The following SLC30A6 variants were observed in gnomAD, a reference collection of about 807,000 sequenced individuals.
SLC30A6 encodes solute carrier family 30 member 6.
In SLC30A6, 55 loss-of-function variants were observed where a neutral mutation model predicts 63.0. The ratio of observed to expected loss-of-function variants is 0.87; its 90% CI spans 0.70 to 1.09. The LOEUF (loss-of-function observed/expected upper bound fraction) is 1.09. Ranked by LOEUF, SLC30A6 falls within the 50% of genes least tolerant of loss-of-function variation. SLC30A6 has a pLI of 0.00. For missense variants in SLC30A6, 587 were observed against 549.2 expected (o/e 1.07, Z -0.69); for synonymous variants, 224 against 186.1 (o/e 1.20, Z -1.66).
At chr2:32,202,130 A>AT in intron 10 of SLC30A6, 1 of 737,974 alleles carries the variant, frequency 1.4e-6, no homozygotes, top group South Asian at 1.6e-5. Flanking sequence ...ACCTTCTCCA[A>AT]TCTTCCTATT....
chr2:32,174,961 C>T (rs1315841223), intron 3 of SLC30A6, among the ~76,000 whole-genome samples: 1 of 151,984 alleles, frequency 6.6e-6, no homozygotes, highest in Non-Finnish European at 1.5e-5. Flanking sequence ...TAATTTTTTT[C>T]TTATATCTTT....
intron 4 of SLC30A6, among the ~76,000 whole-genome samples, chr2:32,182,601 A>C (rs1337181825): frequency 6.6e-6 from 1 of 152,186 alleles, no homozygotes; most frequent in Non-Finnish European, 1.5e-5. Flanking sequence ...ACTTCTCTTT[A>C]TCTCTCATCT....
At chr2:32,204,765 T>G (rs968358026) in intron 11 of SLC30A6, 73 bp downstream of exon 11, 27 of 783,468 alleles carry the variant, frequency 3.4e-5, no homozygotes, top group African/African-American at 1.6e-4. Context: ...GTTGTATGTG[T>G]TGTTCTACAA....
At position 32,197,327 on chromosome 2, in the gene SLC30A6, G is replaced by GT; in HGVS notation, c.497-16dup. The GT allele has an allele frequency of 1.9e-6, 3 of 1,602,622 alleles. No individual in the cohort carries two copies. In the South Asian group the frequency reaches 3.4e-5, roughly 18 times the overall value. The stretch of plus-strand genomic sequence containing the variant: ...TTTTTCTTCTATATAGATAATTTAA[G>GT]TATTTTCTTCTTAAAGCTGCTAGTA... On this transcript the variant is annotated splice_polypyrimidine_tract_variant and intron_variant, in intron 8 of 13. Transcript: ENST00000282587.
chr2:32,167,534 G>C (rs1000853542), intron 1 of SLC30A6, among the ~76,000 whole-genome samples: 33 of 151,756 alleles, frequency 2.2e-4, no homozygotes, highest in Non-Finnish European at 4.4e-4. Flanking sequence ...GTTCTCTATC[G>C]GCTGTCCTTA....
intron 10 of SLC30A6, chr2:32,203,189 T>C (rs1335172105): frequency 5.9e-6 from 7 of 1,190,308 alleles, no homozygotes; most frequent in Non-Finnish European, 8.8e-6. Context: ...TGATTCATGG[T>C]TCTCCTCCTC....
chr2:32,214,450 A>AT (rs1685528474), intron 13 of SLC30A6: 1 of 151,678 alleles, frequency 6.6e-6, no homozygotes, highest in African/African-American at 2.4e-5. Context: ...TAATTAATTA[A>AT]TTTTTTAAAA....
chr2:32,216,593 ATAG>A (rs1573435753), intron 13 of SLC30A6, among the ~76,000 whole-genome samples: 1 of 150,310 alleles, frequency 6.7e-6, no homozygotes, highest in Non-Finnish European at 1.5e-5. Context: ...AATAATAATG[ATAG>A]TAGCCATTCT....
chr2:32,208,611 G>T (rs1177203298), intron 12 of SLC30A6, among the ~76,000 whole-genome samples: 1 of 151,382 alleles, frequency 6.6e-6, no homozygotes, highest in African/African-American at 2.4e-5. Context: ...TTTTCCAGGG[G>T]GTACAGGGTC....
At chr2:32,208,640 T>G (rs1244193418) in intron 12 of SLC30A6, among the ~76,000 whole-genome samples, 1 of 150,028 alleles carries the variant, frequency 6.7e-6, no homozygotes, top group Admixed American at 6.7e-5. Flanking sequence ...CCACCCAGTC[T>G]GGAGTGCAGT....
chr2:32,203,584 G>A (rs1294439736), intron 10 of SLC30A6: 2 of 1,597,748 alleles, frequency 1.3e-6, no homozygotes, highest in African/African-American at 2.7e-5. Context: ...GGAAAGCCTA[G>A]AGGAAATACA....
intron 13 of SLC30A6, among the ~76,000 whole-genome samples, chr2:32,216,371 A>T (rs150190684): frequency 1.3e-5 from 2 of 151,964 alleles, no homozygotes; most frequent in South Asian, 4.1e-4. Flanking sequence ...TCCTATCTCT[A>T]CTAAAAATAC....
At chr2:32,193,778 T>C in intron 7 of SLC30A6, 111 bp from the exon 8 acceptor site, 2 of 782,814 alleles carry the variant, frequency 2.6e-6, no homozygotes, top group South Asian at 3.4e-5. Context: ...CACCAAATCA[T>C]TAAAGCAGAC....
intron 1 of SLC30A6, 72 bp downstream of exon 1, chr2:32,165,975 C>T (rs1680607548): frequency 8.7e-6 from 14 of 1,606,714 alleles, no homozygotes; most frequent in Admixed American, 3.3e-5. Flanking sequence ...CCGAAGCGAC[C>T]TTGAAATCCC....
Position 32,209,575 on chromosome 2 carries a change from C to A in SLC30A6, c.885+14C>A. 6.3e-7 allele frequency: 1 copy of A among 1,582,048 alleles called. No individual in the cohort carries two copies. Among genetic ancestry groups the A allele is most frequent in the Non-Finnish European group, 8.6e-7 (1 of 1,164,772 alleles). On this transcript the variant is annotated intron_variant, in intron 13 of 13. Coordinates refer to ENST00000282587, the MANE Select transcript of SLC30A6 (RefSeq NM_017964.5). ...TTTGGCTCATTGGTATGTTCTTTTA[C>A]ATATGACTTTAGTTATAATTTAAAA...
rs1686051435 is a variant in SLC30A6, at chr2:32,220,253, A to G, written c.926A>G (p.Glu309Gly). ...VHVRIRRDAN[E>G]QMVLAHVTNR... ...GTAAGAATTCGACGAGATGCCAATG[A>G]ACAAATGGTTCTTGCTCATGTGACC... is the stretch of plus-strand genomic sequence containing the variant. Residue 309 changes from glutamate to glycine, a missense_variant, in exon 14 of 14, where the codon GAA becomes GGA. Physicochemically the swap from Glu to Gly is moderately conservative, Grantham distance 98. Transcript: ENST00000282587. 1 of 1,614,066 alleles carries G rather than the reference A, an allele frequency of 6.2e-7. No homozygotes were observed. Among genetic ancestry groups the G allele is most frequent in the South Asian group, 1.1e-5 (1 of 91,086 alleles).
intron 13 of SLC30A6, among the ~76,000 whole-genome samples, chr2:32,216,589 A>G (rs1230574323): frequency 6.6e-6 from 1 of 150,804 alleles, no homozygotes; most frequent in Admixed American, 6.6e-5. Flanking sequence ...AAATAATAAT[A>G]ATGATAGTAG....
intron 7 of SLC30A6, 48 bp downstream of exon 7, chr2:32,193,001 T>A: frequency 8.6e-7 from 1 of 1,163,236 alleles, no homozygotes; most frequent in Non-Finnish European, 1.2e-6. Flanking sequence ...TCTTAATTAT[T>A]AATTGATGTA....
chr2:32,179,944 AAAAT>A (rs1237787948), intron 4 of SLC30A6, among the ~76,000 whole-genome samples: 2 of 152,214 alleles, frequency 1.3e-5, no homozygotes, highest in Non-Finnish European at 2.9e-5. Context: ...CGCCAATTTA[AAAAT>A]AAATAAAAAG....
Sources: allele counts gnomAD v4.1 joint callset (sites outside exome capture counted in the v4.1 genomes callset), GRCh38; gene constraint gnomAD v4.1.1; transcripts MANE v1.5; gene names NCBI Gene and HGNC (gene_info 2026-07-23, HGNC 2026-07-21).